ZMYND11: variants seen among roughly 807,000 people sequenced by gnomAD.
ZMYND11 encodes the protein zinc finger MYND-type containing 11, also known as zinc finger MYND domain-containing protein 11.
Under a neutral mutation model 84.9 loss-of-function variants are expected in ZMYND11, and 9 were observed. That is an observed-to-expected ratio of 0.11 (90% CI 0.06 to 0.18). The LOEUF (loss-of-function observed/expected upper bound fraction) is 0.18, where lower values mean the gene tolerates loss of function less well. Ranked by LOEUF, ZMYND11 falls within the 10% of genes least tolerant of loss-of-function variation. The pLI, the probability that ZMYND11 is intolerant of heterozygous loss-of-function variation, is 1.00. For synonymous variants in ZMYND11, 250 were observed against 244.1 expected (o/e 1.02, Z -0.23); for missense variants, 409 against 761.0 (o/e 0.54, Z 5.44).
At chr10:244,942 A>C (rs2131879498) in intron 10 of ZMYND11, among the ~76,000 whole-genome samples, 1 of 152,370 alleles carries the variant, frequency 6.6e-6, no homozygotes. Context: ...CCAGGTAGTC[A>C]GCACTGCTTG....
intron 14 of ZMYND11, among the ~76,000 whole-genome samples, chr10:251,864 A>G (rs1953555420): frequency 6.6e-6 from 1 of 151,822 alleles, no homozygotes; most frequent in Non-Finnish European, 1.5e-5. Flanking sequence ...AAATAAGATG[A>G]AGACTGAGAC....
intron 10 of ZMYND11, among the ~76,000 whole-genome samples, chr10:243,860 G>A (rs940817592): frequency 3.9e-5 from 6 of 152,076 alleles, no homozygotes; most frequent in South Asian, 2.1e-4. Context: ...GTGAGACTCC[G>A]TCTCAAAAAA....
At chr10:235,229 ATGTT>A (rs1231743407) in intron 4 of ZMYND11, among the ~76,000 whole-genome samples, 3 of 152,298 alleles carry the variant, frequency 2.0e-5, no homozygotes, top group South Asian at 4.1e-4. Flanking sequence ...CTAGAGTTCA[ATGTT>A]TGTTTAAAGT....
intron 14 of ZMYND11, chr10:249,471 A>G: frequency 1.0e-6 from 1 of 984,768 alleles, no homozygotes; most frequent in South Asian, 4.7e-5. Flanking sequence ...AATTATCACA[A>G]TAAATAGTTT....
upstream of ZMYND11, among the ~76,000 whole-genome samples, chr10:132,191 G>A (rs900191467): frequency 1.3e-5 from 2 of 151,518 alleles, no homozygotes; most frequent in East Asian, 1.9e-4. Context: ...TATTTCATTG[G>A]GGCAACCCGT....
At chr10:244,250 G>A (rs1951665781) in intron 10 of ZMYND11, among the ~76,000 whole-genome samples, 1 of 152,268 alleles carries the variant, frequency 6.6e-6, no homozygotes, top group Admixed American at 6.5e-5. Context: ...AAAGGTTCTG[G>A]TTGATCAGGA....
chr10:163,667 T>A (rs186686976), intron 1 of ZMYND11, among the ~76,000 whole-genome samples: 10 of 152,244 alleles, frequency 6.6e-5, no homozygotes, highest in Admixed American at 2.0e-4. Flanking sequence ...TTTTAATTCC[T>A]CCTTCTCCCC....
chr10:214,394 CCA>C (rs1945801976), intron 3 of ZMYND11, among the ~76,000 whole-genome samples: 1 of 152,084 alleles, frequency 6.6e-6, no homozygotes, highest in Admixed American at 6.6e-5. Context: ...TTGCTTGAAC[CCA>C]GGAGTTTGAG....
rs1430739702 is a variant in ZMYND11 at position 135,930 on chromosome 10, C to A, written c.-20+371C>A. Among the ~76,000 whole-genome samples, 1 of 151,296 alleles carries A rather than the reference C, an allele frequency of 6.6e-6. No individual in the cohort carries two copies. Among genetic ancestry groups the A allele is most frequent in the African/African-American group, 2.4e-5 (1 of 41,254 alleles). ...ACCGCCCGCCGGGCCCTGTGCCCCG[C>A]TTTCGGTCAGGCCTCCTGGGCCCGT... is the stretch of plus-strand genomic sequence containing the variant. On this transcript the variant is annotated intron_variant, in intron 1 of 14. Transcript: ENST00000381604. The surrounding 1 kb of genome is among the most constrained non-coding windows in gnomAD (Gnocchi z 5.6).
intron 14 of ZMYND11, chr10:249,715 G>C (rs1330366614): frequency 6.1e-6 from 6 of 985,244 alleles, no homozygotes; most frequent in African/African-American, 1.7e-5. Flanking sequence ...CAGTGAATTA[G>C]GGAAAAGTTT....
At chr10:156,416 T>A (rs9419431) in intron 1 of ZMYND11, among the ~76,000 whole-genome samples, 62,147 of 152,088 alleles carry the variant, frequency 0.41, 13,004 homozygotes, top group East Asian at 0.57. Context: ...AATCACTTAC[T>A]TGGAAAAATT....
intron 4 of ZMYND11, among the ~76,000 whole-genome samples, chr10:227,757 A>G (rs1354926789): frequency 1.3e-5 from 2 of 152,214 alleles, no homozygotes; most frequent in Non-Finnish European, 2.9e-5. Context: ...CTATGAAGCT[A>G]TAACTGCTCT....
chr10:153,712 G>T lies in ZMYND11; in HGVS notation c.-20+18153G>T, dbSNP rs78823078. Among the ~76,000 whole-genome samples the T allele has an allele frequency of 3.0e-3, 459 of 152,294 alleles. No individual in the cohort carries two copies. The Middle Eastern group carries it at 0.031, about 10-fold the overall frequency. ...TGAATGCTGACCTGTTGTCCTAGGG[G>T]AAATAGAGTTTGGTCCCTGTGAGCC... On this transcript the variant is annotated intron_variant, in intron 1 of 14. Transcript: ENST00000381604.
chr10:190,259 C>G (rs1159876566), intron 2 of ZMYND11, among the ~76,000 whole-genome samples: 3 of 152,108 alleles, frequency 2.0e-5, no homozygotes, highest in African/African-American at 7.2e-5. Flanking sequence ...TTCTTCCCAT[C>G]GTTGGTGTTA....
At chr10:203,602 AAGAAGG>A (rs1355093268) in intron 2 of ZMYND11, among the ~76,000 whole-genome samples, 3 of 152,160 alleles carry the variant, frequency 2.0e-5, no homozygotes, top group African/African-American at 7.2e-5. Context: ...GAGTCTGAAA[AAGAAGG>A]AGAGGAACTC....
chr10:161,705 C>G (rs1554761914), intron 1 of ZMYND11, among the ~76,000 whole-genome samples: 1 of 152,144 alleles, frequency 6.6e-6, no homozygotes, highest in African/African-American at 2.4e-5. Context: ...ATGAATCTAC[C>G]TCTGCAATCT....
intron 2 of ZMYND11, among the ~76,000 whole-genome samples, chr10:196,183 C>G (rs996652069): frequency 6.6e-6 from 1 of 152,170 alleles, no homozygotes; most frequent in Non-Finnish European, 1.5e-5. Context: ...CTTTTCTGTG[C>G]CAGATTATCA....
intron 10 of ZMYND11, chr10:244,570 G>C (rs1564456380): frequency 6.6e-6 from 1 of 152,326 alleles, no homozygotes; most frequent in Non-Finnish European, 1.5e-5. Flanking sequence ...AGAGTGGCTG[G>C]TGGATGGCAT....
At chr10:217,648 T>C (rs1946418581) in intron 3 of ZMYND11, among the ~76,000 whole-genome samples, 1 of 152,196 alleles carries the variant, frequency 6.6e-6, no homozygotes, top group South Asian at 2.1e-4. Context: ...TCCTGTTCTG[T>C]GCACTGAGTA....
Sources: allele counts gnomAD v4.1 joint callset (sites outside exome capture counted in the v4.1 genomes callset), GRCh38; gene constraint gnomAD v4.1.1; non-coding constraint Gnocchi (gnomAD v3.1); transcripts MANE v1.5; gene names NCBI Gene and HGNC (gene_info 2026-07-23, HGNC 2026-07-21).